The following ANXA4 variants were observed in gnomAD, a reference collection of about 807,000 sequenced individuals.
ANXA4 encodes the protein annexin A4, also known as 35-beta calcimedin.
A neutral mutation model predicts 49.8 loss-of-function variants in ANXA4; 39 were observed. The ratio of observed to expected loss-of-function variants is 0.78; its 90% CI spans 0.61 to 1.02. ANXA4 has a LOEUF of 1.02. ANXA4 is among the 50% of genes least tolerant of loss of function. The pLI, the probability that ANXA4 is intolerant of heterozygous loss-of-function variation, is 0.00. For synonymous variants in ANXA4, 134 were observed against 152.5 expected (o/e 0.88, Z 0.89); for missense variants, 360 against 410.1 (o/e 0.88, Z 1.05).
At chr2:69,815,200 A>G (rs60168146) in intron 8 of ANXA4, 33,393 of 152,204 alleles carry the variant, frequency 0.22, 3,956 homozygotes, top group African/African-American at 0.3. Flanking sequence ...AGTCAAGTTG[A>G]CATAAAATAA....
intron 11 of ANXA4, among the ~76,000 whole-genome samples, 166 bp from the exon 12 acceptor site, chr2:69,820,533 C>T (rs1331404212): frequency 6.6e-6 from 1 of 151,992 alleles, no homozygotes; most frequent in Non-Finnish European, 1.5e-5. Flanking sequence ...TTGTGGAGAG[C>T]CTTGAATACC....
intron 2 of ANXA4, among the ~76,000 whole-genome samples, chr2:69,717,960 G>A (rs1669693705): frequency 6.6e-6 from 1 of 152,160 alleles, no homozygotes. Flanking sequence ...GTTTTAATGG[G>A]GAAACCCTGG....
At chr2:69,799,329 T>G (rs1457129268) in intron 3 of ANXA4, among the ~76,000 whole-genome samples, 1 of 152,168 alleles carries the variant, frequency 6.6e-6, no homozygotes, top group Non-Finnish European at 1.5e-5. Flanking sequence ...ATGTGCTTAT[T>G]AAGACCCACT....
At chr2:69,798,690 G>A (rs1234393322) in intron 3 of ANXA4, among the ~76,000 whole-genome samples, 1 of 152,228 alleles carries the variant, frequency 6.6e-6, no homozygotes, top group Admixed American at 6.5e-5. Flanking sequence ...TCCTTAATCA[G>A]CTGTCAGATG....
intron 2 of ANXA4, among the ~76,000 whole-genome samples, chr2:69,693,064 A>G (rs1298164249): frequency 6.6e-6 from 1 of 152,218 alleles, no homozygotes; most frequent in Admixed American, 6.5e-5. Flanking sequence ...TAGGTTAAAT[A>G]GATTCTTCCC....
intron 2 of ANXA4, among the ~76,000 whole-genome samples, chr2:69,664,768 G>C (rs1676873142): frequency 6.6e-6 from 1 of 152,088 alleles, no homozygotes; most frequent in Admixed American, 6.6e-5. Flanking sequence ...TTGAACCCAG[G>C]TAGGCTTCTC....
At chr2:69,771,783 T>G (rs749175018) in intron 1 of ANXA4, among the ~76,000 whole-genome samples, 23 of 152,252 alleles carry the variant, frequency 1.5e-4, no homozygotes, top group Non-Finnish European at 2.8e-4. Context: ...AGTATAGATG[T>G]ATTCTCAACA....
intron 8 of ANXA4, among the ~76,000 whole-genome samples, chr2:69,813,738 TTCTC>T (rs763588413): frequency 0.044 from 5,803 of 131,748 alleles, 217 homozygotes; most frequent in Non-Finnish European, 0.063. Flanking sequence ...AGACCCAGTA[TTCTC>T]TCTCTCTCTC....
chr2:69,675,865 T>C (rs1677392822), intron 2 of ANXA4, among the ~76,000 whole-genome samples: 1 of 151,680 alleles, frequency 6.6e-6, no homozygotes, highest in Non-Finnish European at 1.5e-5. Flanking sequence ...CTACTAAAAA[T>C]ACAAAAAATT....
chr2:69,718,094 CCT>C (rs1669697740), intron 2 of ANXA4, among the ~76,000 whole-genome samples: 1 of 152,042 alleles, frequency 6.6e-6, no homozygotes, highest in South Asian at 2.1e-4. Context: ...CTTCTAGAGC[CCT>C]CTCTCACCAT....
At chr2:69,723,192 A>C (rs1669867163) in intron 3 of ANXA4, among the ~76,000 whole-genome samples, 1 of 150,964 alleles carries the variant, frequency 6.6e-6, no homozygotes, top group Non-Finnish European at 1.5e-5. Flanking sequence ...CTGTCTCAAA[A>C]AAAAAAAAAA....
chr2:69,770,842 C>A (rs1246792373), intron 1 of ANXA4, among the ~76,000 whole-genome samples: 1 of 151,716 alleles, frequency 6.6e-6, no homozygotes, highest in Non-Finnish European at 1.5e-5. Flanking sequence ...GTAATCCCAG[C>A]ACGTTGGGAG....
chr2:69,678,936 TAG>T (rs2105354364), intron 2 of ANXA4, among the ~76,000 whole-genome samples: 1 of 152,282 alleles, frequency 6.6e-6, no homozygotes, highest in South Asian at 2.1e-4. Context: ...TAAGTATTTG[TAG>T]TTGTAAGCTA....
At chr2:69,709,934 T>G (rs1678622491) in intron 2 of ANXA4, among the ~76,000 whole-genome samples, 1 of 151,930 alleles carries the variant, frequency 6.6e-6, no homozygotes, top group South Asian at 2.1e-4. Flanking sequence ...AGCCATAATC[T>G]TACCACATAG....
intron 2 of ANXA4, among the ~76,000 whole-genome samples, chr2:69,664,600 C>T (rs771815517): frequency 7.2e-5 from 11 of 152,144 alleles, no homozygotes; most frequent in East Asian, 1.9e-4. Context: ...TTACTATTGA[C>T]GGTATACAAT....
At chr2:69,767,215 A>G (rs1304935842) in intron 1 of ANXA4, among the ~76,000 whole-genome samples, 1 of 152,256 alleles carries the variant, frequency 6.6e-6, no homozygotes. Context: ...AGCAAAAGCT[A>G]GAAGAGCTAT....
intron 2 of ANXA4, among the ~76,000 whole-genome samples, chr2:69,657,783 A>C (rs1487854632): frequency 6.6e-6 from 1 of 152,326 alleles, no homozygotes; most frequent in South Asian, 2.1e-4. Flanking sequence ...TATATGTATA[A>C]TACAAATTTT....
intron 1 of ANXA4, among the ~76,000 whole-genome samples, chr2:69,780,763 G>A (rs1442725224): frequency 6.6e-6 from 1 of 152,106 alleles, no homozygotes; most frequent in Non-Finnish European, 1.5e-5. Flanking sequence ...AAAAGAGAAG[G>A]TGCCTTGTTT....
At chr2:69,799,985 T>C (rs946751088) in intron 3 of ANXA4, among the ~76,000 whole-genome samples, 1 of 152,246 alleles carries the variant, frequency 6.6e-6, no homozygotes, top group Non-Finnish European at 1.5e-5. Context: ...GTTTTAATCC[T>C]GACAGAAGCT....
Sources: gnomAD v4.1 joint callset for allele counts (sites outside exome capture counted in the v4.1 genomes callset) on GRCh38, gnomAD v4.1.1 for gene constraint, MANE v1.5 for transcripts, NCBI Gene and HGNC (gene_info 2026-07-23, HGNC 2026-07-21) for gene names.